Variants in RTCA observed in about 807,000 individuals in gnomAD.
The protein encoded by RTCA is RNA terminal phosphate cyclase domain 1.
A neutral mutation model predicts 46.1 loss-of-function variants in RTCA; 37 were observed. The ratio of observed to expected loss-of-function variants is 0.80; its 90% CI spans 0.62 to 1.06. The LOEUF (loss-of-function observed/expected upper bound fraction) is 1.06. RTCA is among the 50% of genes least tolerant of loss of function. RTCA has a pLI of 0.00. For missense variants in RTCA, 435 were observed against 455.5 expected (o/e 0.95, Z 0.41); for synonymous variants, 164 against 158.3 (o/e 1.04, Z -0.27).
chr1:100,268,971 T>A (rs920184747), intron 3 of RTCA, among the ~76,000 whole-genome samples: 3 of 151,538 alleles, frequency 2.0e-5, no homozygotes. Flanking sequence ...GGTGGATCGC[T>A]TGAGCTCACA....
rs987151672 is a variant in RTCA, at chr1:100,285,224, T to TA, written c.800-2dup. The stretch of plus-strand genomic sequence containing the variant: ...TTTTGTTTTAATGTTGTGCTTATCT[T>TA]AAGGTGTAAATGCAGACAAAGTTGG... On this transcript the variant is annotated splice_region_variant and splice_polypyrimidine_tract_variant and intron_variant, in intron 8 of 10. Coordinates refer to ENST00000370128, the MANE Select transcript of RTCA (RefSeq NM_003729.4). The TA allele has an allele frequency of 1.2e-6, 2 of 1,608,234 alleles. No homozygotes were observed. The highest frequency in any genetic ancestry group is 2.7e-5 in the African/African-American group (2 of 74,894).
At chr1:100,270,518 A>G (rs1666025192) in intron 3 of RTCA, 39 bp from the exon 4 acceptor site, 1 of 1,601,544 alleles carries the variant, frequency 6.2e-7, no homozygotes, top group Non-Finnish European at 8.5e-7. Flanking sequence ...AAAATGCAGA[A>G]AAGAAAATGA....
intron 2 of RTCA, chr1:100,267,504 G>A (rs1398137183): frequency 1.3e-6 from 2 of 1,544,180 alleles, no homozygotes; most frequent in African/African-American, 2.7e-5. Flanking sequence ...TCACAGTTCT[G>A]GAGGCTGGAA....
chr1:100,276,043 G>A (rs562362685), intron 7 of RTCA, among the ~76,000 whole-genome samples: 2 of 151,938 alleles, frequency 1.3e-5, no homozygotes, highest in Non-Finnish European at 2.9e-5. Context: ...CACCGTGTTA[G>A]CCAGGGTGGT....
intron 8 of RTCA, among the ~76,000 whole-genome samples, chr1:100,283,920 G>A (rs560117010): frequency 2.0e-5 from 1 of 51,106 alleles, no homozygotes; most frequent in East Asian, 5.2e-4. Context: ...AGACCTAGTC[G>A]CTAAAAAAAA....
intron 10 of RTCA, among the ~76,000 whole-genome samples, chr1:100,287,859 T>C (rs2100815468): frequency 6.6e-6 from 1 of 151,648 alleles, no homozygotes; most frequent in East Asian, 2.0e-4. Flanking sequence ...AATGGCATGA[T>C]CTCGGCTCAC....
At chr1:100,283,414 G>T (rs933561279) in intron 8 of RTCA, among the ~76,000 whole-genome samples, 2 of 151,052 alleles carry the variant, frequency 1.3e-5, no homozygotes, top group African/African-American at 4.9e-5. Flanking sequence ...TGCCCGCCTT[G>T]GCCTCCCAAA....
In RTCA at chr1:100,273,426, C is replaced by G; in HGVS notation, c.447C>G (p.Phe149Leu). 1 of 1,585,886 alleles carries G rather than the reference C, an allele frequency of 6.3e-7. No homozygotes were observed. Among genetic ancestry groups the G allele is most frequent in the Non-Finnish European group, 8.6e-7 (1 of 1,164,044 alleles). ...AGCCAATTGTTGAAAAATTTGGTTT[C>G]ATATTTAATTGTGACATTAAAACAA... ...VFKPIVEKFG[F>L]IFNCDIKTRG... The change falls in exon 5 of 11, where the codon TTC becomes TTG. Residue 149 changes from phenylalanine to leucine, a missense_variant. By Grantham distance (22) the Phe-to-Leu change is conservative. Coordinates refer to ENST00000370128, the MANE Select transcript of RTCA (RefSeq NM_003729.4).
At chr1:100,285,048 C>G (rs1446047538) in intron 8 of RTCA, among the ~76,000 whole-genome samples, 180 bp from the exon 9 acceptor site, 1 of 152,146 alleles carries the variant, frequency 6.6e-6, no homozygotes, top group Non-Finnish European at 1.5e-5. Context: ...ACTTGTGTAT[C>G]CCAAACACTC....
intron 10 of RTCA, among the ~76,000 whole-genome samples, chr1:100,290,146 A>G (rs368371552): frequency 1.0e-3 from 157 of 152,346 alleles, no homozygotes; most frequent in African/African-American, 3.1e-3. Flanking sequence ...ATTTTTAAAC[A>G]TTACTATTCA....
chr1:100,277,284 G>T lies in RTCA; in HGVS notation c.767G>T (p.Cys256Phe). The T allele has an allele frequency of 6.2e-7, 1 of 1,612,220 alleles. No individual in the cohort carries two copies. The highest frequency in any genetic ancestry group is 8.5e-7 in the Non-Finnish European group (1 of 1,179,332). Residue 256 changes from cysteine to phenylalanine, a missense_variant, in exon 8 of 11, where the codon TGT (cysteine) becomes TTT (phenylalanine). Cys to Phe is a radical substitution (Grantham distance 205, BLOSUM62 -2). Coordinates refer to ENST00000370128, the MANE Select transcript of RTCA (RefSeq NM_003729.4). Reference protein sequence around the residue: ...IIIIAETSTGCLFAGSSLGKR... With the variant: ...IIIIAETSTGFLFAGSSLGKR... ...ATTATTGCTGAGACCTCCACTGGCT[G>T]TTTGTTTGCTGGATCATCGCTTGGT...
chr1:100,266,619 C>G lies in RTCA; in HGVS notation c.141C>G (p.Gly47=). 6.2e-7 allele frequency: 1 copy of G among 1,610,796 alleles called. No individual in the cohort carries two copies. Among genetic ancestry groups the G allele is most frequent in the Non-Finnish European group, 8.5e-7 (1 of 1,178,122 alleles). ...TCCGAGCCGGCCGGAGCACGCCAGG[C>G]CTGAGGTAAATCTGGCTGGAGGGGG... ...QKIRAGRSTP[G]LRPQHLSGLE... is the part of the protein sequence containing the mutation. Residue 47 remains glycine (G), a synonymous_variant, in exon 2 of 11, where the codon GGC becomes GGG. Coordinates refer to ENST00000370128, the MANE Select transcript of RTCA (RefSeq NM_003729.4).
intron 9 of RTCA, 83 bp downstream of exon 9, chr1:100,285,405 C>A: frequency 1.1e-6 from 1 of 892,924 alleles, no homozygotes; most frequent in Non-Finnish European, 1.8e-6. Context: ...AAATAATTGA[C>A]TTTCAGACAC....
intron 4 of RTCA, 105 bp downstream of exon 4, chr1:100,270,785 C>G: frequency 7.6e-7 from 1 of 1,315,620 alleles, no homozygotes; most frequent in Non-Finnish European, 1.0e-6. Flanking sequence ...TCTTGTTTAT[C>G]TCTTCATGGT....
At chr1:100,283,012 G>C (rs1666796887) in intron 8 of RTCA, among the ~76,000 whole-genome samples, 1 of 151,748 alleles carries the variant, frequency 6.6e-6, no homozygotes, top group Non-Finnish European at 1.5e-5. Flanking sequence ...GGCCAGGCTA[G>C]TCTTGAACTC....
intron 3 of RTCA, among the ~76,000 whole-genome samples, chr1:100,268,553 G>C (rs1008621923): frequency 2.0e-5 from 3 of 152,092 alleles, no homozygotes; most frequent in Admixed American, 2.0e-4. Flanking sequence ...ACAGCACCAT[G>C]CCCCGCTAAT....
intron 5 of RTCA, among the ~76,000 whole-genome samples, chr1:100,274,193 G>A (rs956552606): frequency 1.3e-5 from 2 of 152,054 alleles, no homozygotes; most frequent in African/African-American, 4.8e-5. Context: ...CTTATAGCCT[G>A]ACCTGTATTC....
chr1:100,283,313 A>G (rs1447522542), intron 8 of RTCA, among the ~76,000 whole-genome samples: 1 of 151,626 alleles, frequency 6.6e-6, no homozygotes, highest in African/African-American at 2.4e-5. Flanking sequence ...TAAAACTACA[A>G]TCGCACACAA....
chr1:100,286,755 G>A (rs1316369837), intron 9 of RTCA, among the ~76,000 whole-genome samples: 3 of 152,036 alleles, frequency 2.0e-5, no homozygotes, highest in East Asian at 1.9e-4. Flanking sequence ...TGTCTATTCA[G>A]CTGTTAAAAT....
Sources: gnomAD v4.1 joint callset for allele counts (sites outside exome capture counted in the v4.1 genomes callset) on GRCh38, gnomAD v4.1.1 for gene constraint, MANE v1.5 for transcripts, NCBI Gene and HGNC (gene_info 2026-07-23, HGNC 2026-07-21) for gene names.